UNC45A: variants seen among roughly 807,000 people sequenced by gnomAD.
UNC45A encodes unc-45 myosin chaperone A.
Under a neutral mutation model 103.2 loss-of-function variants are expected in UNC45A, and 78 were observed. That is an observed-to-expected ratio of 0.76 (90% CI 0.63 to 0.91). UNC45A has a LOEUF of 0.91. Among genes scored for constraint, UNC45A ranks in the 40% least tolerant of loss-of-function variants. The probability of loss-of-function intolerance (pLI) is 0.00; values close to 1 mark genes in which losing one functional copy is unlikely to be tolerated. For synonymous variants in UNC45A, 495 were observed against 504.6 expected (o/e 0.98, Z 0.25); for missense variants, 1,193 against 1,224.8 (o/e 0.97, Z 0.39).
At chr15:90,940,175 T>A (rs1451792402) in intron 5 of UNC45A, 131 bp from the exon 6 acceptor site, 2 of 981,562 alleles carry the variant, frequency 2.0e-6, no homozygotes, top group Non-Finnish European at 3.0e-6. Context: ...TCAAAGAGGT[T>A]ATTTTTTGGC....
chr15:90,950,359 T>C (rs35389361), intron 16 of UNC45A, 92 bp downstream of exon 16: 98,135 of 1,490,956 alleles, frequency 0.066, 3,973 homozygotes, highest in South Asian at 0.15. Flanking sequence ...CAGCAGGAAG[T>C]TTCAGCTTTG....
At chr15:90,932,666 G>C (rs995387344), upstream of UNC45A, 2 of 508,316 alleles carry the variant, frequency 3.9e-6, no homozygotes, top group African/African-American at 4.0e-5. Context: ...GCCTGCCCCA[G>C]ATGAATTCCT....
chr15:90,930,991 C>A, upstream of UNC45A: 1 of 410,316 alleles, frequency 2.4e-6, no homozygotes, highest in South Asian at 2.6e-5. Flanking sequence ...TCTCAAGTCC[C>A]TGAGGGGCCA....
rs1281119952 is a variant in UNC45A, at chr15:90,942,299, C to T, written c.688-138C>T. The T allele has an allele frequency of 2.5e-5, 24 of 973,416 alleles. No individual in the cohort carries two copies. In the East Asian group the frequency reaches 5.8e-4, roughly 24 times the overall value. 60.3% of individuals were successfully genotyped at this position (973,416 alleles called of 1,614,324 possible). A position where few individuals can be genotyped will look rare whatever the true frequency, so the allele number is the denominator to read the frequency against. ...ATTACCCTGGGTCATGCCATCCATT[C>T]TGTGTTGTTTTCACCTGGAGCTGGG... is the stretch of plus-strand genomic sequence containing the variant. On this transcript the variant is annotated intron_variant, in intron 6 of 19. Transcript: ENST00000418476.
At chr15:90,934,463 T>G (rs2151351815), upstream of UNC45A, 2 of 399,120 alleles carry the variant, frequency 5.0e-6, no homozygotes. Flanking sequence ...ACCTGCAGGC[T>G]GCAGGGGGCT....
At chr15:90,934,957 C>A (rs746755759), upstream of UNC45A, 59 of 471,852 alleles carry the variant, frequency 1.3e-4, no homozygotes, top group Middle Eastern at 1.6e-3. Context: ...CCCAGGCCCG[C>A]TCCTAGTGCT....
At chr15:90,944,141 C>G (rs1237441614) in intron 8 of UNC45A, among the ~76,000 whole-genome samples, 1 of 150,838 alleles carries the variant, frequency 6.6e-6, no homozygotes, top group South Asian at 2.2e-4. Flanking sequence ...AATCCCAGCA[C>G]TTTGGGAGGC....
In UNC45A at chr15:90,946,721, G is replaced by C; in HGVS notation, c.1307G>C (p.Ser436Thr). 3 of 1,613,534 alleles carry C rather than the reference G, an allele frequency of 1.9e-6. No homozygotes were observed. The highest frequency in any genetic ancestry group is 2.5e-6 in the Non-Finnish European group (3 of 1,180,032). The change falls in exon 10 of 20, where the codon AGC (serine) becomes ACC (threonine). Residue 436 changes from serine (S) to threonine (T), a missense_variant. Ser to Thr is a moderately conservative substitution (Grantham distance 58). Transcript: ENST00000418476. ...GCTGGCAACCGGGCCTTGGAGCTGAGCGGTGTCATGGAGAGTGTGATTGCT... is the reference window on the plus strand; with the variant it reads ...GCTGGCAACCGGGCCTTGGAGCTGACCGGTGTCATGGAGAGTGTGATTGCT... ...CDAGNRALEL[S>T]GVMESVIALC...
intron 16 of UNC45A, 89 bp from the exon 17 acceptor site, chr15:90,950,411 T>C: frequency 4.0e-6 from 6 of 1,490,012 alleles, no homozygotes; most frequent in Non-Finnish European, 5.5e-6. Context: ...ACAGCAGTAC[T>C]CTCTTGGGGG....
upstream of UNC45A, chr15:90,935,250 C>T (rs2035939590): frequency 7.0e-7 from 1 of 1,427,176 alleles, no homozygotes; most frequent in African/African-American, 1.4e-5. Flanking sequence ...GGGGCAGCTG[C>T]CGGTGGCGTC....
chr15:90,945,979 GTGGCTTACACC>G (rs1307692823), intron 9 of UNC45A, among the ~76,000 whole-genome samples: 3 of 151,660 alleles, frequency 2.0e-5, no homozygotes, highest in African/African-American at 7.3e-5. Context: ...GCCAGGTGTG[GTGGCTTACACC>G]TGTAATCCCA....
intron 9 of UNC45A, among the ~76,000 whole-genome samples, chr15:90,945,787 C>G (rs1234858849): frequency 6.6e-6 from 1 of 151,660 alleles, no homozygotes; most frequent in African/African-American, 2.4e-5. Flanking sequence ...CACCCACCAC[C>G]ACGCCTGGCT....
chr15:90,939,586 C>T, intron 4 of UNC45A, 145 bp from the exon 5 acceptor site: 1 of 733,892 alleles, frequency 1.4e-6, no homozygotes, highest in South Asian at 1.9e-5. Flanking sequence ...AAGTCTCTTC[C>T]TGCCCAGGGT....
chr15:90,935,810 C>T, intron 2 of UNC45A, 105 bp downstream of exon 2: 9 of 1,535,592 alleles, frequency 5.9e-6, no homozygotes, highest in South Asian at 2.5e-5. Flanking sequence ...AGGCCATCCC[C>T]GCTTGCCAGA....
intron 17 of UNC45A, among the ~76,000 whole-genome samples, chr15:90,951,173 AATTTTTGT>A (rs2036890776): frequency 1.3e-5 from 2 of 152,076 alleles, no homozygotes; most frequent in South Asian, 4.1e-4. Context: ...GCGCCTGGCT[AATTTTTGT>A]ATTTTTGTAG....
At chr15:90,939,662 A>G in intron 4 of UNC45A, 69 bp from the exon 5 acceptor site, 1 of 1,539,034 alleles carries the variant, frequency 6.5e-7, no homozygotes, top group Admixed American at 1.7e-5. Context: ...GCTGGAGACA[A>G]ATGAATAGGG....
chr15:90,947,056 G>T, intron 10 of UNC45A, 142 bp downstream of exon 10: 2 of 956,086 alleles, frequency 2.1e-6, no homozygotes, highest in Non-Finnish European at 3.1e-6. Flanking sequence ...AGGCTTGGTG[G>T]TGCATGCCTA....
rs977527171 is a variant in UNC45A, at chr15:90,943,043, G to T, written c.988G>T (p.Asp330Tyr). 1 of 1,614,062 alleles carries T rather than the reference G, an allele frequency of 6.2e-7. No individual in the cohort carries two copies. The highest frequency in any genetic ancestry group is 8.5e-7 in the Non-Finnish European group (1 of 1,179,946). Residue 330 changes from aspartate (D) to tyrosine (Y), a missense_variant, in exon 8 of 20, where the codon GAC becomes TAC. Asp to Tyr is a radical substitution (Grantham distance 160). Coordinates refer to ENST00000418476, the MANE Select transcript of UNC45A (RefSeq NM_018671.5). ...AGCGGTGCCCCGGAAGTCTCTCAAG[G>T]ACCCCAACAACAGCCTCACCCTCTG... ...IKAVPRKSLK[D>Y]PNNSLTLWVI...
chr15:90,937,293 C>G (rs575332874), intron 4 of UNC45A, among the ~76,000 whole-genome samples: 1 of 152,206 alleles, frequency 6.6e-6, no homozygotes, highest in South Asian at 2.1e-4. Flanking sequence ...TTACAGTGAG[C>G]TATGATCGTG....
Sources: allele counts gnomAD v4.1 joint callset (sites outside exome capture counted in the v4.1 genomes callset), GRCh38; gene constraint gnomAD v4.1.1; transcripts MANE v1.5; gene names NCBI Gene and HGNC (gene_info 2026-07-23, HGNC 2026-07-21).